PCDH15: variants seen among roughly 807,000 people sequenced by gnomAD.
The protein encoded by PCDH15 is protocadherin related 15.
Under a neutral mutation model 178.5 loss-of-function variants are expected in PCDH15, and 129 were observed. The observed-to-expected ratio is 0.72, with a 90% CI of 0.63 to 0.84. PCDH15 has a LOEUF of 0.84. PCDH15 is among the 40% of genes least tolerant of loss of function. The probability of loss-of-function intolerance (pLI) is 0.00; values close to 1 mark genes in which losing one functional copy is unlikely to be tolerated. For missense variants in PCDH15, 2,230 were observed against 2,099.9 expected, an observed-to-expected ratio of 1.06 and a Z score of -1.21; for synonymous variants, 800 against 732.0, an observed-to-expected ratio of 1.09 and a Z score of -1.50.
At chr10:54,635,281 ATGCTTATT>A (rs1256447126) in intron 2 of PCDH15, among the ~76,000 whole-genome samples, 4 of 151,716 alleles carry the variant, frequency 2.6e-5, no homozygotes, top group Non-Finnish European at 4.4e-5. Flanking sequence ...TGTAAAATAC[ATGCTTATT>A]TAGCTGAGAT....
At chr10:54,804,629 T>C (rs1952744974), upstream of PCDH15, among the ~76,000 whole-genome samples, 1 of 152,028 alleles carries the variant, frequency 6.6e-6, no homozygotes, top group Non-Finnish European at 1.5e-5. Flanking sequence ...ATATATTCTG[T>C]GTTTTATTCT....
chr10:54,207,364 TTGTGTGTGTGTGTATGTG>T (rs1480832912), intron 10 of PCDH15, among the ~76,000 whole-genome samples: 40 of 87,582 alleles, frequency 4.6e-4, no homozygotes, highest in South Asian at 5.5e-4. Flanking sequence ...CTGTTTTGTT[TTGTGTGTGTGTGTATGTG>T]TGTGTGTGTG....
intron 2 of PCDH15, among the ~76,000 whole-genome samples, chr10:54,612,233 TC>T (rs2092985559): frequency 6.6e-6 from 1 of 151,760 alleles, no homozygotes; most frequent in Non-Finnish European, 1.5e-5. Context: ...AAACCACCTT[TC>T]TTGTGAGCAC....
chr10:54,643,470 A>G (rs2094042638), intron 2 of PCDH15, among the ~76,000 whole-genome samples: 1 of 152,146 alleles, frequency 6.6e-6, no homozygotes, highest in East Asian at 1.9e-4. Flanking sequence ...ACATTCAAAC[A>G]CATGTGTTGT....
At chr10:55,281,601 GTA>G (rs1244709531) in intron 1 of PCDH15, among the ~76,000 whole-genome samples, 1 of 151,862 alleles carries the variant, frequency 6.6e-6, no homozygotes, top group Non-Finnish European at 1.5e-5. Context: ...ACAGAAAATT[GTA>G]TTCATCCCAG....
At chr10:54,566,378 C>G (rs1332384516) in intron 2 of PCDH15, among the ~76,000 whole-genome samples, 11 of 152,038 alleles carry the variant, frequency 7.2e-5, no homozygotes. Context: ...AGGGTTTATT[C>G]TTTGTGTTTT....
At chr10:55,293,435 C>A (rs1843059719) in intron 1 of PCDH15, among the ~76,000 whole-genome samples, 1 of 152,212 alleles carries the variant, frequency 6.6e-6, no homozygotes, top group Non-Finnish European at 1.5e-5. Flanking sequence ...ATGCAAATTT[C>A]TGCAGCAGAC....
intron 8 of PCDH15, among the ~76,000 whole-genome samples, chr10:54,266,382 T>C (rs1484922663): frequency 6.6e-6 from 1 of 151,548 alleles, no homozygotes; most frequent in Non-Finnish European, 1.5e-5. Flanking sequence ...CAACGTAACA[T>C]TGCACCTAAA....
At chr10:53,927,097 A>G (rs1439913653) in intron 25 of PCDH15, among the ~76,000 whole-genome samples, 1 of 152,104 alleles carries the variant, frequency 6.6e-6, no homozygotes, top group East Asian at 1.9e-4. Context: ...AAGTGAAATA[A>G]TAACTTAAAA....
At chr10:54,510,521 CCCCTTAGTACT>C (rs2081560331) in intron 3 of PCDH15, among the ~76,000 whole-genome samples, 1 of 152,104 alleles carries the variant, frequency 6.6e-6, no homozygotes, top group Non-Finnish European at 1.5e-5. Flanking sequence ...TCAAGTGGGT[CCCCTTAGTACT>C]CCCTTGTGTT....
At chr10:54,141,648 T>G (rs567662268) in intron 14 of PCDH15, among the ~76,000 whole-genome samples, 4 of 147,628 alleles carry the variant, frequency 2.7e-5, no homozygotes, top group Non-Finnish European at 5.9e-5. Flanking sequence ...TTACCACTAT[T>G]AACATTAAGT....
chr10:54,175,284 CAA>C (rs755796465), intron 13 of PCDH15, among the ~76,000 whole-genome samples: 13 of 152,012 alleles, frequency 8.6e-5, no homozygotes, highest in Non-Finnish European at 1.6e-4. Context: ...AATAAATTGT[CAA>C]GAGACATTAA....
intron 1 of PCDH15, among the ~76,000 whole-genome samples, chr10:55,317,618 C>T (rs1843759013): frequency 6.6e-6 from 1 of 151,596 alleles, no homozygotes; most frequent in African/African-American, 2.4e-5. Flanking sequence ...AAAAGCTGAA[C>T]ATTCAATTTG....
intron 13 of PCDH15, among the ~76,000 whole-genome samples, chr10:54,171,827 T>C (rs1288768094): frequency 1.2e-4 from 18 of 151,834 alleles, no homozygotes; most frequent in Admixed American, 1.2e-3. Context: ...AATCATTCTA[T>C]ATGACAAATG....
chr10:53,922,728 A>G (rs940796055), intron 25 of PCDH15, among the ~76,000 whole-genome samples: 1 of 152,194 alleles, frequency 6.6e-6, no homozygotes. Flanking sequence ...AATAGGGATC[A>G]TTTAGAAGCA....
chr10:55,562,383 A>G (rs1286408229), intron 2 of PCDH15, among the ~76,000 whole-genome samples: 4 of 152,078 alleles, frequency 2.6e-5, no homozygotes, highest in South Asian at 2.1e-4. Context: ...AAACTTGTAT[A>G]TATTATTTTA....
At chr10:55,025,799 T>C (rs1309990648) in intron 2 of PCDH15, among the ~76,000 whole-genome samples, 3 of 152,138 alleles carry the variant, frequency 2.0e-5, no homozygotes, top group South Asian at 2.1e-4. Context: ...GGTTTTGATA[T>C]TTAGTATATA....
At chr10:55,478,350 A>C (rs1840104600) in intron 2 of PCDH15, among the ~76,000 whole-genome samples, 1 of 151,706 alleles carries the variant, frequency 6.6e-6, no homozygotes, top group Non-Finnish European at 1.5e-5. Flanking sequence ...CATTCCATCC[A>C]ACATCTGCAG....
intron 23 of PCDH15, among the ~76,000 whole-genome samples, chr10:53,956,936 A>G (rs1259499635): frequency 1.3e-5 from 2 of 152,220 alleles, no homozygotes; most frequent in African/African-American, 4.8e-5. Context: ...TGAACAACAC[A>G]TTCGCATTTT....
Sources: gnomAD v4.1 joint callset for allele counts (sites outside exome capture counted in the v4.1 genomes callset) on GRCh38, gnomAD v4.1.1 for gene constraint, MANE v1.5 for transcripts, NCBI Gene and HGNC (gene_info 2026-07-23, HGNC 2026-07-21) for gene names.